COX6C: variants seen among roughly 807,000 people sequenced by gnomAD.
COX6C encodes cytochrome c oxidase subunit 6C.
Under a neutral mutation model 6.9 loss-of-function variants are expected in COX6C, and 3 were observed. The observed-to-expected ratio is 0.43, with a 90% confidence interval of 0.20 to 1.12. The LOEUF is 1.12. Among genes scored for constraint, COX6C ranks in the 50% most tolerant of loss-of-function variants. The pLI is 0.27. For synonymous variants in COX6C, 32 were observed against 32.0 expected, an observed-to-expected ratio of 1.00 and a Z score of 0.00; for missense variants, 101 against 97.3, an observed-to-expected ratio of 1.04 and a Z score of -0.16.
At chr8:99,887,684 T>C (rs905560748) in intron 2 of COX6C, 66 bp from the exon 3 acceptor site, 11 of 1,095,666 alleles carry the variant, frequency 1.0e-5, no homozygotes, top group African/African-American at 6.6e-5. Context: ...CAGATTATAA[T>C]ATATAAAGAC....
intron 3 of COX6C, among the ~76,000 whole-genome samples, chr8:99,883,818 T>C (rs993715166): frequency 3.9e-5 from 6 of 152,176 alleles, no homozygotes; most frequent in African/African-American, 1.4e-4. Context: ...TCATGTACTA[T>C]GATTAAGTGG....
chr8:99,882,798 A>G (rs1332488461), intron 3 of COX6C, among the ~76,000 whole-genome samples: 1 of 152,184 alleles, frequency 6.6e-6, no homozygotes, highest in African/African-American at 2.4e-5. Flanking sequence ...ACTCAAAAAA[A>G]AATTTTGTGG....
intron 1 of COX6C, among the ~76,000 whole-genome samples, chr8:99,892,415 T>C (rs553020453): frequency 5.2e-4 from 79 of 152,256 alleles, no homozygotes; most frequent in Middle Eastern, 3.4e-3. Context: ...AATTCAGGAA[T>C]AAGATTTGGG....
intron 3 of COX6C, among the ~76,000 whole-genome samples, chr8:99,884,095 G>A (rs7812991): frequency 0.24 from 37,137 of 152,026 alleles, 5,645 homozygotes; most frequent in African/African-American, 0.43. Flanking sequence ...AAGGATGCCC[G>A]CTCTTGCCAC....
At chr8:99,885,155 C>T (rs13253073) in intron 3 of COX6C, among the ~76,000 whole-genome samples, 3 of 152,106 alleles carry the variant, frequency 2.0e-5, no homozygotes, top group African/African-American at 4.8e-5. Flanking sequence ...AACCTTCCAC[C>T]GCTTTAGTTC....
At chr8:99,880,708 T>G (rs557575938) in intron 3 of COX6C, among the ~76,000 whole-genome samples, 1 of 151,186 alleles carries the variant, frequency 6.6e-6, no homozygotes, top group Non-Finnish European at 1.5e-5. Context: ...CTCTATAAAA[T>G]TAAATTAAAT....
intron 2 of COX6C, among the ~76,000 whole-genome samples, chr8:99,890,769 T>C (rs1311609557): frequency 6.6e-6 from 1 of 152,192 alleles, no homozygotes; most frequent in Non-Finnish European, 1.5e-5. Context: ...AAGTTGTAAA[T>C]GTGCAGCCTT....
Position 99,887,596 on chromosome 8 carries a change from T to C in COX6C, c.137A>G (p.Lys46Arg), listed in dbSNP as rs747726073. The change falls in exon 3 of 4, where the codon AAG becomes AGG. Residue 46 changes from lysine (K) to arginine (R), a missense_variant. Physicochemically the swap from Lys to Arg is conservative, Grantham distance 26 (BLOSUM62 2). Transcript: ENST00000520468. ...TCTGTAGAAATCTGCGTATGCCTTC[T>C]TTCTTTGATCAGCCACACGAAACTA... ...LYKFRVADQR[K>R]KAYADFYRNY... is the part of the protein sequence containing the mutation. 3 of 1,603,902 alleles carry C rather than the reference T, an allele frequency of 1.9e-6. No homozygotes were observed. Among genetic ancestry groups the C allele is most frequent in the Non-Finnish European group, 2.5e-6 (3 of 1,177,422 alleles).
intron 2 of COX6C, among the ~76,000 whole-genome samples, chr8:99,888,382 C>A (rs1042711004): frequency 6.6e-6 from 1 of 151,890 alleles, no homozygotes; most frequent in African/African-American, 2.4e-5. Context: ...ACCAGCCTGG[C>A]CAACATGATG....
chr8:99,887,474 C>T lies in COX6C; in HGVS notation c.*15+16G>A. 6.9e-7 allele frequency: 1 copy of T among 1,456,966 alleles called. No individual in the cohort carries two copies. 90.3% of individuals were successfully genotyped at this position (1,456,966 alleles called of 1,614,324 possible). A position where few individuals can be genotyped will look rare whatever the true frequency, so the allele number is the denominator to read the frequency against. ...TTAGAAATTTTTTTTTAAGTAACTT[C>T]AAATAACCATATTACCTTTATATTC... On this transcript the variant is annotated intron_variant, in intron 3 of 3. Coordinates refer to ENST00000520468, the MANE Select transcript of COX6C (RefSeq NM_004374.4).
At chr8:99,881,255 G>A (rs895677209) in intron 3 of COX6C, among the ~76,000 whole-genome samples, 1 of 152,000 alleles carries the variant, frequency 6.6e-6, no homozygotes, top group African/African-American at 2.4e-5. Flanking sequence ...AGCTACTCGG[G>A]AGGCTGAGGC....
At chr8:99,892,130 T>A in intron 1 of COX6C, 78 bp from the exon 2 acceptor site, 1 of 742,572 alleles carries the variant, frequency 1.3e-6, no homozygotes, top group Non-Finnish European at 2.3e-6. Flanking sequence ...CTGGAAGCAT[T>A]GATTGGAGCT....
chr8:99,890,915 AAAT>A (rs1478699963), intron 2 of COX6C, among the ~76,000 whole-genome samples: 1 of 152,246 alleles, frequency 6.6e-6, no homozygotes, highest in Non-Finnish European at 1.5e-5. Context: ...CATGGATTCA[AAAT>A]AATAAAAAAT....
At position 99,887,604 on chromosome 8, in the gene COX6C, A is replaced by G; in HGVS notation, c.129T>C (p.Asp43=). The change falls in exon 3 of 4, where the codon GAT becomes GAC. Residue 43 remains aspartate, a synonymous_variant. Transcript: ENST00000520468. ...AATCTGCGTATGCCTTCTTTCTTTG[A>G]TCAGCCACACGAAACTAAAAAGCAA... ...VAALYKFRVA[D]QRKKAYADFY... 3 of 1,599,960 alleles carry G rather than the reference A, an allele frequency of 1.9e-6. No homozygotes were observed. The highest frequency in any genetic ancestry group is 2.6e-6 in the Non-Finnish European group (3 of 1,176,284).
chr8:99,887,751 G>A (rs1817966520), intron 2 of COX6C, 133 bp from the exon 3 acceptor site: 3 of 539,132 alleles, frequency 5.6e-6, no homozygotes, highest in Non-Finnish European at 9.3e-6. Context: ...TTTCCTAAGG[G>A]GTGGAGGTGG....
intron 3 of COX6C, among the ~76,000 whole-genome samples, chr8:99,879,449 G>C (rs1444103050): frequency 6.6e-6 from 1 of 152,074 alleles, no homozygotes; most frequent in Non-Finnish European, 1.5e-5. Context: ...AAATGATTTT[G>C]AACATAAAAA....
chr8:99,888,908 C>T (rs1167671453), intron 2 of COX6C, among the ~76,000 whole-genome samples: 1 of 152,232 alleles, frequency 6.6e-6, no homozygotes, highest in East Asian at 1.9e-4. Context: ...CTAGTCTCTT[C>T]AGCTCCTGTG....
chr8:99,888,488 T>A (rs1216257173), intron 2 of COX6C, among the ~76,000 whole-genome samples: 1 of 152,034 alleles, frequency 6.6e-6, no homozygotes, highest in Non-Finnish European at 1.5e-5. Context: ...GGAGAATTGC[T>A]TGAACCTGGG....
At chr8:99,889,905 C>T (rs1818007788) in intron 2 of COX6C, among the ~76,000 whole-genome samples, 1 of 151,690 alleles carries the variant, frequency 6.6e-6, no homozygotes, top group East Asian at 2.0e-4. Flanking sequence ...TCCTGGCTAA[C>T]ACGGTGAAAC....
Sources: gnomAD v4.1 joint callset for allele counts (sites outside exome capture counted in the v4.1 genomes callset) on GRCh38, gnomAD v4.1.1 for gene constraint, MANE v1.5 for transcripts, NCBI Gene and HGNC (gene_info 2026-07-23, HGNC 2026-07-21) for gene names.